The following RUNX3 variants were observed in gnomAD, a reference collection of about 807,000 sequenced individuals.
The protein encoded by RUNX3 is RUNX family transcription factor 3.
In RUNX3, 10 loss-of-function variants were observed where a neutral mutation model predicts 27.7. That is an observed-to-expected ratio of 0.36 (90% CI 0.22 to 0.61). The LOEUF is 0.61. RUNX3 is among the 20% of genes least tolerant of loss of function. The probability of loss-of-function intolerance (pLI) is 0.72; values close to 1 mark genes in which losing one functional copy is unlikely to be tolerated. For synonymous variants in RUNX3, 270 were observed against 269.2 expected (o/e 1.00, Z -0.03); for missense variants, 469 against 629.5 (o/e 0.75, Z 2.73).
chr1:24,925,935 C>T (rs1210144083), intron 2 of RUNX3, among the ~76,000 whole-genome samples: 1 of 152,084 alleles, frequency 6.6e-6, no homozygotes, highest in East Asian at 1.9e-4. Flanking sequence ...GGCATGAAAA[C>T]CCCTAAAAAA....
Position 24,922,002 on chromosome 1 carries a change from G to C in RUNX3, c.440-2658C>G, listed in dbSNP as rs372776279. 7.8e-4 allele frequency among the ~76,000 whole-genome samples: 119 copies of C among 152,200 alleles called. 1 individual carries two copies. The highest frequency in any genetic ancestry group is 2.7e-3 in the African/African-American group (112 of 41,522). On this transcript the variant is annotated intron_variant, in intron 2 of 4. Transcript: ENST00000308873. ...GTCTTGCTCTGTCACCCAGGTTGGA[G>C]TGCAGTGGCATGATCATAGCTCACT...
upstream of RUNX3, among the ~76,000 whole-genome samples, chr1:24,934,743 G>A (rs995766472): frequency 3.3e-5 from 5 of 152,184 alleles, no homozygotes; most frequent in African/African-American, 1.2e-4. Flanking sequence ...GGGCATGAAC[G>A]CATCACCTGG....
chr1:24,964,528 G>C, exon 2 of RUNX3: 9 of 1,611,610 alleles, frequency 5.6e-6, no homozygotes, highest in Non-Finnish European at 7.6e-6. Flanking sequence ...GATGAAGGTC[G>C]GCGAGTAGGT....
chr1:24,912,600 C>T (rs1384682602), intron 3 of RUNX3, among the ~76,000 whole-genome samples: 1 of 152,038 alleles, frequency 6.6e-6, no homozygotes, highest in Admixed American at 6.5e-5. Context: ...CAGATGCTTG[C>T]TGGGTGCTTC....
At chr1:24,950,575 C>T (rs534866285) in intron 2 of RUNX3, among the ~76,000 whole-genome samples, 2 of 152,326 alleles carry the variant, frequency 1.3e-5, no homozygotes, top group African/African-American at 4.8e-5. Flanking sequence ...CCAGGTAGCC[C>T]TGGAACATAG....
At chr1:24,936,376 C>T (rs994697547) in intron 2 of RUNX3, among the ~76,000 whole-genome samples, 1 of 152,180 alleles carries the variant, frequency 6.6e-6, no homozygotes, top group East Asian at 1.9e-4. Flanking sequence ...AGCCTGGCCC[C>T]AGAGCCCATG....
In RUNX3 at chr1:24,929,595, C is replaced by T; in HGVS notation, c.274G>A (p.Ala92Thr). The T allele has an allele frequency of 6.2e-7, 1 of 1,606,268 alleles. No homozygotes were observed. Residue 92 changes from alanine (A) to threonine (T), a missense_variant, in exon 1 of 5, where the codon GCC (alanine) becomes ACC (threonine). Around this residue, in one of 3 missense-constraint regions of RUNX3, gnomAD observed 75 missense variants for 168.5 expected, o/e 0.45. Transcript: ENST00000308873. ...CCGGGTCCCGCACTCACCTTGAAGG[C>T]GACGGGCAGCGTCTTGTTGCAGCGC... is the stretch of plus-strand genomic sequence containing the variant. ...HWRCNKTLPVAFKVVALGDVP... is the reference protein window; with the variant it reads ...HWRCNKTLPVTFKVVALGDVP...
chr1:24,917,678 C>T (rs1302927812), intron 3 of RUNX3, among the ~76,000 whole-genome samples: 1 of 152,182 alleles, frequency 6.6e-6, no homozygotes. Context: ...ACTGTTTCCT[C>T]GCAATAGCAT....
intron 3 of RUNX3, among the ~76,000 whole-genome samples, chr1:24,915,426 A>C (rs1287420656): frequency 6.6e-6 from 1 of 152,164 alleles, no homozygotes; most frequent in African/African-American, 2.4e-5. Flanking sequence ...TCCATCTCAA[A>C]AAACAAAACA....
At chr1:24,926,727 T>C (rs995429611) in intron 2 of RUNX3, among the ~76,000 whole-genome samples, 2 of 152,320 alleles carry the variant, frequency 1.3e-5, no homozygotes, top group South Asian at 2.1e-4. Flanking sequence ...CCCAGCTTAC[T>C]TCTTAACAAA....
upstream of RUNX3, among the ~76,000 whole-genome samples, chr1:24,931,133 C>T (rs1042343524): frequency 6.6e-6 from 1 of 152,220 alleles, no homozygotes; most frequent in Non-Finnish European, 1.5e-5. Flanking sequence ...AAACGGTACG[C>T]GCGTCGGTGG....
chr1:24,925,613 G>A (rs558795221), intron 2 of RUNX3, among the ~76,000 whole-genome samples: 1 of 152,220 alleles, frequency 6.6e-6, no homozygotes, highest in East Asian at 1.9e-4. Context: ...GGACTCAAAC[G>A]CAGGGTGGCT....
At chr1:24,928,061 G>A (rs562236198) in intron 1 of RUNX3, among the ~76,000 whole-genome samples, 2 of 152,324 alleles carry the variant, frequency 1.3e-5, no homozygotes, top group South Asian at 4.1e-4. Flanking sequence ...CAGTTCCCCT[G>A]TTGTCTTCGG....
At chr1:24,949,809 C>A (rs1210017885) in intron 2 of RUNX3, among the ~76,000 whole-genome samples, 2 of 152,276 alleles carry the variant, frequency 1.3e-5, no homozygotes, top group African/African-American at 4.8e-5. Context: ...TTGGCCTTGG[C>A]CCTTGGCACC....
chr1:24,912,499 T>C (rs1280704072), intron 3 of RUNX3, among the ~76,000 whole-genome samples: 2 of 151,758 alleles, frequency 1.3e-5, no homozygotes, highest in Non-Finnish European at 2.9e-5. Context: ...AAGCCCCCCT[T>C]CTCCCACAGT....
At position 24,954,208 on chromosome 1, in the gene RUNX3, G is replaced by T. The variant is rs117635800; in HGVS notation, c.58+10306C>A. Reference sequence around the variant, plus strand: ...GAAGGAAACACACCGAATGATAGTGGTTTTTTCTGGGTGTTGAGATTACCG... The same window carrying T: ...GAAGGAAACACACCGAATGATAGTGTTTTTTTCTGGGTGTTGAGATTACCG... On this transcript the variant is annotated intron_variant, in intron 2 of 6. Transcript: ENST00000338888. Among the ~76,000 whole-genome samples the T allele has an allele frequency of 4.8e-3, 727 of 152,320 alleles. 21 individuals are homozygous for T. The highest frequency in any genetic ancestry group is 0.032 in the Admixed American group (497 of 15,302).
intron 3 of RUNX3, among the ~76,000 whole-genome samples, chr1:24,913,632 A>G: frequency 6.6e-6 from 1 of 152,240 alleles, no homozygotes; most frequent in East Asian, 1.9e-4. Context: ...TAAAGGCCAA[A>G]GTGGGAGCAG....
At chr1:24,935,374 C>T (rs773590309) in intron 2 of RUNX3, among the ~76,000 whole-genome samples, 60 of 152,184 alleles carry the variant, frequency 3.9e-4, no homozygotes, top group Non-Finnish European at 6.8e-4. Context: ...CGAGGCCCCT[C>T]CTCCCCACCC....
At chr1:24,957,916 C>T (rs1427993993) in intron 2 of RUNX3, among the ~76,000 whole-genome samples, 1 of 152,222 alleles carries the variant, frequency 6.6e-6, no homozygotes, top group East Asian at 1.9e-4. Context: ...GCTTTCTCTC[C>T]GAAGAGTGCC....
Sources: gnomAD v4.1 joint callset for allele counts (sites outside exome capture counted in the v4.1 genomes callset) on GRCh38, gnomAD v4.1.1 for gene constraint, gnomAD v4.1.1 regional missense constraint, MANE v1.5 for transcripts, NCBI Gene and HGNC (gene_info 2026-07-23, HGNC 2026-07-21) for gene names.